The following HSD17B4 variants were observed in gnomAD, a reference collection of about 807,000 sequenced individuals.
HSD17B4 encodes the protein hydroxysteroid 17-beta dehydrogenase 4.
A neutral mutation model predicts 101.0 loss-of-function variants in HSD17B4; 70 were observed. The ratio of observed to expected loss-of-function variants is 0.69; its 90% CI spans 0.57 to 0.85. The LOEUF (loss-of-function observed/expected upper bound fraction) is 0.85. Ranked by LOEUF, HSD17B4 falls within the 40% of genes least tolerant of loss-of-function variation. The pLI, the probability that HSD17B4 is intolerant of heterozygous loss-of-function variation, is 0.00. For synonymous variants in HSD17B4, 347 were observed against 297.1 expected, an observed-to-expected ratio of 1.17 and a Z score of -1.73; for missense variants, 984 against 892.4, an observed-to-expected ratio of 1.10 and a Z score of -1.31.
At chr5:119,536,819 G>C (rs1025221882) in intron 23 of HSD17B4, among the ~76,000 whole-genome samples, 1 of 152,012 alleles carries the variant, frequency 6.6e-6, no homozygotes, top group African/African-American at 2.4e-5. Context: ...TATGACATTA[G>C]TAGGTACTAC....
chr5:119,479,776 C>T (rs1361399752), intron 8 of HSD17B4, among the ~76,000 whole-genome samples: 3 of 151,976 alleles, frequency 2.0e-5, no homozygotes, highest in African/African-American at 7.3e-5. Flanking sequence ...GTTTTTGGCA[C>T]TTATTAATAA....
At chr5:119,455,953 A>G (rs1192974412) in intron 1 of HSD17B4, among the ~76,000 whole-genome samples, 1 of 152,142 alleles carries the variant, frequency 6.6e-6, no homozygotes, top group Non-Finnish European at 1.5e-5. Flanking sequence ...ACTTTCAAGA[A>G]AACTAGCTTC....
At position 119,529,960 on chromosome 5, in the gene HSD17B4, T is replaced by C; in HGVS notation, c.1834T>C (p.Ser612Pro). ...GGATCTTGCACCAACATCTGGTACT[T>C]CAGCTAAGACACCCTCTGAGGTAGG... ...YVDLAPTSGT[S>P]AKTPSEGGKL... The change falls in exon 21 of 24, where the codon TCA (serine) becomes CCA (proline). Residue 612 changes from serine (S) to proline (P), a missense_variant. Transcript: ENST00000510025. 1 of 1,605,378 alleles carries C rather than the reference T, an allele frequency of 6.2e-7. No homozygotes were observed. The highest frequency in any genetic ancestry group is 8.5e-7 in the Non-Finnish European group (1 of 1,172,490).
At chr5:119,497,150 T>C (rs382719) in intron 12 of HSD17B4, among the ~76,000 whole-genome samples, 90,834 of 151,890 alleles carry the variant, frequency 0.6, 27,580 homozygotes, top group East Asian at 0.92. Flanking sequence ...GCTGAAAGCT[T>C]ATCATGAACT....
rs1207656725 is a variant in HSD17B4 at position 119,475,885 on chromosome 5, G to GT, written c.349+16dup. On this transcript the variant is annotated intron_variant, in intron 6 of 23. Transcript: ENST00000510025. ...TGAAGACTGGGGTAAGTTGTTTTTA[G>GT]TATTTCTCTGGGGAACATACTTATC... 5.1e-6 allele frequency: 8 copies of GT among 1,557,662 alleles called. No individual in the cohort carries two copies. Among genetic ancestry groups the GT allele is most frequent in the Non-Finnish European group, 7.1e-6 (8 of 1,128,968 alleles).
chr5:119,496,376 A>G (rs900202485), intron 11 of HSD17B4, among the ~76,000 whole-genome samples, 167 bp from the exon 12 acceptor site: 3 of 152,090 alleles, frequency 2.0e-5, no homozygotes, highest in African/African-American at 7.2e-5. Context: ...GTCTTTCGCA[A>G]TTTTTTCCTT....
At chr5:119,506,376 A>G (rs1046406181) in intron 14 of HSD17B4, among the ~76,000 whole-genome samples, 1 of 152,174 alleles carries the variant, frequency 6.6e-6, no homozygotes, top group Non-Finnish European at 1.5e-5. Flanking sequence ...ATAGTATTCC[A>G]TGGTGTATAT....
intron 2 of HSD17B4, among the ~76,000 whole-genome samples, chr5:119,457,026 A>C (rs11749784): frequency 9.2e-5 from 14 of 152,182 alleles, no homozygotes; most frequent in Admixed American, 4.6e-4. Flanking sequence ...GGGCAGTTAC[A>C]TGAGTTTTTG....
At chr5:119,535,540 C>T (rs1443981742) in intron 22 of HSD17B4, among the ~76,000 whole-genome samples, 1 of 151,280 alleles carries the variant, frequency 6.6e-6, no homozygotes, top group Non-Finnish European at 1.5e-5. Flanking sequence ...ATGCTTTTTT[C>T]ATGTTTAGTT....
intron 20 of HSD17B4, among the ~76,000 whole-genome samples, chr5:119,528,763 A>G (rs1316209811): frequency 1.3e-5 from 2 of 152,148 alleles, no homozygotes; most frequent in African/African-American, 4.8e-5. Context: ...ATGTCTAAAT[A>G]TAATGTATTC....
chr5:119,459,288 CG>C (rs1754976174), intron 2 of HSD17B4, among the ~76,000 whole-genome samples: 1 of 152,114 alleles, frequency 6.6e-6, no homozygotes. Flanking sequence ...AGCTAACTTC[CG>C]GGATTATGGT....
In HSD17B4 at chr5:119,478,838, A is replaced by G; in HGVS notation, c.439A>G (p.Ile147Val). ...AGAGATTGATTTTCTTTTTAGGATT[A>G]TTATGACTTCATCAGCTTCAGGAAT... ...HMKKQKYGRIIMTSSASGIYG... is the reference protein window; with the variant it reads ...HMKKQKYGRIVMTSSASGIYG... The change falls in exon 8 of 24, where the codon ATT becomes GTT. Residue 147 changes from isoleucine to valine, a missense_variant. By Grantham distance (29) the Ile-to-Val change is conservative. Coordinates refer to ENST00000510025, the MANE Select transcript of HSD17B4 (RefSeq NM_000414.4). 1 of 1,611,964 alleles carries G rather than the reference A, an allele frequency of 6.2e-7. No homozygotes were observed. Among genetic ancestry groups the G allele is most frequent in the Non-Finnish European group, 8.5e-7 (1 of 1,178,310 alleles).
intron 11 of HSD17B4, 61 bp from the exon 12 acceptor site, chr5:119,496,482 C>G: frequency 1.1e-6 from 1 of 910,836 alleles, no homozygotes; most frequent in Non-Finnish European, 1.9e-6. Flanking sequence ...CATATTGTAG[C>G]TTTTCTTAGT....
Position 119,452,498 on chromosome 5 carries a change from T to G in HSD17B4, c.-78T>G. The G allele has an allele frequency of 6.2e-7, 1 of 1,610,126 alleles. No individual in the cohort carries two copies. Among genetic ancestry groups the G allele is most frequent in the Non-Finnish European group, 8.5e-7 (1 of 1,177,974 alleles). ...ACTGACCCTCGTCCCGCCCCCGCCA[T>G]TCCCCGCCTCCTCCTGTCCCGCAGT... is the stretch of plus-strand genomic sequence containing the variant. On this transcript the variant is annotated 5_prime_UTR_variant, in exon 1 of 24. Transcript: ENST00000510025.
chr5:119,539,387 AC>A (rs1410038271), intron 23 of HSD17B4, among the ~76,000 whole-genome samples: 1 of 142,218 alleles, frequency 7.0e-6, no homozygotes, highest in Non-Finnish European at 1.5e-5. Flanking sequence ...AACAATGAGA[AC>A]ACCTGGACAG....
At chr5:119,513,864 T>G (rs1272294781) in intron 16 of HSD17B4, among the ~76,000 whole-genome samples, 1 of 152,206 alleles carries the variant, frequency 6.6e-6, no homozygotes, top group African/African-American at 2.4e-5. Context: ...TTAAATGCCC[T>G]TTGTATACAT....
At chr5:119,487,393 TG>T (rs1749706701) in intron 8 of HSD17B4, 1 of 152,038 alleles carries the variant, frequency 6.6e-6, no homozygotes, top group Non-Finnish European at 1.5e-5. Context: ...GAAGAAACAC[TG>T]GGTTGAGTAA....
rs771467784 is a variant in HSD17B4 at position 119,489,244 on chromosome 5, T to G, written c.675T>G (p.Leu225=). The part of the protein sequence containing the change: ...PEYVAPLVLW[L]CHESCEENGG... ...ATGTGGCACCTCTTGTCCTTTGGCTTTGTCACGAGAGTTGTGAGGAGAATG... is the reference window on the plus strand; with the variant it reads ...ATGTGGCACCTCTTGTCCTTTGGCTGTGTCACGAGAGTTGTGAGGAGAATG... Residue 225 remains leucine (L), a synonymous_variant, in exon 9 of 24, where the codon CTT becomes CTG. Transcript: ENST00000510025. 83 of 1,612,776 alleles carry G rather than the reference T, an allele frequency of 5.1e-5. No homozygotes were observed. The highest frequency in any genetic ancestry group is 6.8e-5 in the Non-Finnish European group (80 of 1,179,136).
intron 9 of HSD17B4, among the ~76,000 whole-genome samples, chr5:119,489,546 T>C (rs1407030144): frequency 6.6e-6 from 1 of 152,184 alleles, no homozygotes; most frequent in Admixed American, 6.6e-5. Flanking sequence ...AATTTCATTA[T>C]TTAAGAAGCT....
Sources: allele counts gnomAD v4.1 joint callset (sites outside exome capture counted in the v4.1 genomes callset), GRCh38; gene constraint gnomAD v4.1.1; transcripts MANE v1.5; gene names NCBI Gene and HGNC (gene_info 2026-07-23, HGNC 2026-07-21).